SLC5A4: variants seen among roughly 807,000 people sequenced by gnomAD.
The protein encoded by SLC5A4 is probable glucose sensor protein SLC5A4.
In SLC5A4, 55 loss-of-function variants were observed where a neutral mutation model predicts 70.3. The observed-to-expected ratio is 0.78, with a 90% CI of 0.63 to 0.98. SLC5A4 has a LOEUF of 0.98. SLC5A4 is among the 50% of genes least tolerant of loss of function. SLC5A4 has a pLI of 0.00. For missense variants in SLC5A4, 735 were observed against 839.2 expected, an observed-to-expected ratio of 0.88 and a Z score of 1.53; for synonymous variants, 268 against 305.7, an observed-to-expected ratio of 0.88 and a Z score of 1.29.
chr22:32,236,125 T>C (rs1569372285), intron 7 of SLC5A4, among the ~76,000 whole-genome samples: 1 of 152,216 alleles, frequency 6.6e-6, no homozygotes, highest in African/African-American at 2.4e-5. Flanking sequence ...ACAGAAGTTC[T>C]GGATAACTGA....
the SLC5A4 span, among the ~76,000 whole-genome samples, chr22:32,320,852 G>A: frequency 6.6e-5 from 10 of 152,294 alleles, no homozygotes; most frequent in South Asian, 2.1e-4. Flanking sequence ...GTGAACACCC[G>A]CGAAGGGGAC....
chr22:32,278,654 T>G, the SLC5A4 span, among the ~76,000 whole-genome samples: 2 of 152,058 alleles, frequency 1.3e-5, no homozygotes, highest in Non-Finnish European at 2.9e-5. Flanking sequence ...AATACTATAT[T>G]CAAAGAAGAA....
chr22:32,339,943 G>A, the SLC5A4 span, among the ~76,000 whole-genome samples: 2 of 152,216 alleles, frequency 1.3e-5, no homozygotes, highest in Non-Finnish European at 2.9e-5. Context: ...GACCTGCCTT[G>A]CACAGAGAAC....
the SLC5A4 span, among the ~76,000 whole-genome samples, chr22:32,292,265 AATAC>A: frequency 8.0e-6 from 1 of 125,102 alleles, no homozygotes; most frequent in Non-Finnish European, 1.6e-5. Flanking sequence ...TATTATATAT[AATAC>A]ATACTAGATA....
chr22:32,239,539 TATATATATATA>T lies in SLC5A4; in HGVS notation c.478-460_478-450del, dbSNP rs1926290273. Among the ~76,000 whole-genome samples, 2 of 10,462 alleles carry T rather than the reference TATATATATATA, an allele frequency of 1.9e-4. 1 individual carries two copies. The highest frequency in any genetic ancestry group is 5.0e-3 in the South Asian group (2 of 404). The allele number at this position is 10,462 out of a possible 152,430, so 6.9% of individuals were successfully genotyped here. A position where few individuals can be genotyped will look rare whatever the true frequency, so the allele number is the denominator to read the frequency against. On this transcript the variant is annotated intron_variant, in intron 5 of 14. Transcript: ENST00000266086. ...CATATTATATATATATATATATATA[TATATATATATA>T]TATATATATATATATATATTTATAT...
chr22:32,333,899 ACACACCATGCTG>A, the SLC5A4 span, among the ~76,000 whole-genome samples: 2 of 149,098 alleles, frequency 1.3e-5, no homozygotes. Flanking sequence ...ACCCCATGCC[ACACACCATGCTG>A]CATACCCACA....
the SLC5A4 span, among the ~76,000 whole-genome samples, chr22:32,307,360 C>T: frequency 6.6e-6 from 1 of 152,178 alleles, no homozygotes; most frequent in East Asian, 1.9e-4. Context: ...GCAATGACAC[C>T]TCCAAGGTCA....
At chr22:32,334,661 C>T in the SLC5A4 span, among the ~76,000 whole-genome samples, 1 of 152,204 alleles carries the variant, frequency 6.6e-6, no homozygotes, top group African/African-American at 2.4e-5. Flanking sequence ...ACCCTGCAGA[C>T]TGGAGTCCCG....
At chr22:32,312,045 C>T in the SLC5A4 span, among the ~76,000 whole-genome samples, 1 of 152,114 alleles carries the variant, frequency 6.6e-6, no homozygotes. Flanking sequence ...CTGCCTCCCA[C>T]GTGGTGAGAG....
intron 4 of SLC5A4, 120 bp from the exon 5 acceptor site, chr22:32,247,635 T>C: frequency 1.5e-6 from 1 of 688,918 alleles, no homozygotes; most frequent in South Asian, 1.7e-5. Context: ...TTCCTGGTGA[T>C]GGAACCATGG....
the SLC5A4 span, among the ~76,000 whole-genome samples, chr22:32,275,754 A>G: frequency 6.6e-6 from 1 of 152,196 alleles, no homozygotes; most frequent in East Asian, 1.9e-4. Flanking sequence ...TGCTGGGTCA[A>G]ATGGATTTTC....
the SLC5A4 span, among the ~76,000 whole-genome samples, chr22:32,260,520 A>C: frequency 4.6e-5 from 7 of 151,738 alleles, no homozygotes; most frequent in South Asian, 2.1e-4. Context: ...AAAAAAAAAA[A>C]CAAAACCAAA....
chr22:32,256,333 A>C (rs5753896), upstream of SLC5A4, among the ~76,000 whole-genome samples: 6,266 of 152,140 alleles, frequency 0.041, 397 homozygotes, highest in African/African-American at 0.13. Context: ...AAACAACAAC[A>C]AAAAAACAAA....
At chr22:32,340,714 G>A in the SLC5A4 span, among the ~76,000 whole-genome samples, 3 of 152,232 alleles carry the variant, frequency 2.0e-5, no homozygotes, top group African/African-American at 4.8e-5. Context: ...CGGGGCTGGT[G>A]CGGCTGCAGC....
chr22:32,307,107 A>ATGGTAT, the SLC5A4 span, among the ~76,000 whole-genome samples: 3 of 152,076 alleles, frequency 2.0e-5, no homozygotes, highest in African/African-American at 7.2e-5. Flanking sequence ...GTCTATGTAA[A>ATGGTAT]CGGTATCCCT....
intron 13 of SLC5A4, among the ~76,000 whole-genome samples, chr22:32,221,290 C>T (rs1925066995): frequency 6.6e-6 from 1 of 152,170 alleles, no homozygotes; most frequent in African/African-American, 2.4e-5. Flanking sequence ...TTTGTAATTT[C>T]AGCAAAGTTG....
chr22:32,221,494 T>A (rs1258720800), intron 13 of SLC5A4, among the ~76,000 whole-genome samples: 1 of 152,212 alleles, frequency 6.6e-6, no homozygotes, highest in Admixed American at 6.5e-5. Flanking sequence ...CCAGTTGCAA[T>A]TAGTACCCTT....
the SLC5A4 span, among the ~76,000 whole-genome samples, chr22:32,307,932 T>TA: frequency 7.6e-6 from 1 of 131,252 alleles, no homozygotes; most frequent in African/African-American, 2.8e-5. Flanking sequence ...CAGGGATTCT[T>TA]ACATGTTTCC....
At chr22:32,230,905 C>T in intron 10 of SLC5A4, 63 bp downstream of exon 10, 1 of 976,004 alleles carries the variant, frequency 1.0e-6, no homozygotes, top group Non-Finnish European at 1.7e-6. Context: ...TGCACCATAA[C>T]CCTTCCTCGA....
Sources: gnomAD v4.1 joint callset for allele counts (sites outside exome capture counted in the v4.1 genomes callset) on GRCh38, gnomAD v4.1.1 for gene constraint, MANE v1.5 for transcripts, NCBI Gene and HGNC (gene_info 2026-07-23, HGNC 2026-07-21) for gene names.